The following DACH2 variants were observed in gnomAD, a reference collection of about 807,000 sequenced individuals.
The protein encoded by DACH2 is dachshund family transcription factor 2, also known as dachshund homolog 2.
DACH2 carries 17 observed loss-of-function variants against 35.8 expected under a neutral mutation model. The observed-to-expected ratio is 0.48, with a 90% CI of 0.33 to 0.71. The LOEUF (loss-of-function observed/expected upper bound fraction) is 0.71, where lower values mean the gene tolerates loss of function less well. Among genes scored for constraint, DACH2 ranks in the 30% least tolerant of loss-of-function variants. The pLI, the probability that DACH2 is intolerant of heterozygous loss-of-function variation, is 0.02. For synonymous variants in DACH2, 195 were observed against 177.3 expected, an observed-to-expected ratio of 1.10 and a Z score of -0.79; for missense variants, 469 against 472.7, an observed-to-expected ratio of 0.99 and a Z score of 0.07.
chrX:86,164,703 T>C (rs1191773103), intron 1 of DACH2, among the ~76,000 whole-genome samples: 1 of 111,183 alleles, frequency 9.0e-6, no homozygotes, highest in Non-Finnish European at 1.9e-5. Context: ...CTTTTGCTCA[T>C]TGCTTGTCCT....
chrX:86,618,669 A>G (rs970920440), intron 3 of DACH2, among the ~76,000 whole-genome samples: 1 of 112,178 alleles, frequency 8.9e-6, no homozygotes, highest in Non-Finnish European at 1.9e-5. Context: ...CCAAATAGAT[A>G]TATGTGATAA....
At chrX:86,760,763 T>G (rs1362214358) in intron 7 of DACH2, among the ~76,000 whole-genome samples, 1 of 111,556 alleles carries the variant, frequency 9.0e-6, no homozygotes, top group African/African-American at 3.3e-5. Flanking sequence ...GGAGGTGTCA[T>G]GTATCTTTGC....
chrX:86,770,074 A>T (rs2041973938), intron 7 of DACH2, among the ~76,000 whole-genome samples: 1 of 111,153 alleles, frequency 9.0e-6, no homozygotes, highest in Non-Finnish European at 1.9e-5. Context: ...GGCCCTTTAG[A>T]CTGTCCTCAT....
rs754160703 is a variant in DACH2, at chrX:86,824,730, T to TA, written c.1751-7371dup. 4.5e-5 allele frequency among the ~76,000 whole-genome samples: 5 copies of TA among 111,930 alleles called. No homozygotes were observed. In the Admixed American group the frequency reaches 4.8e-4, roughly 11 times the overall value. On this transcript the variant is annotated intron_variant, in intron 11 of 11. Coordinates refer to ENST00000373125, the MANE Select transcript of DACH2 (RefSeq NM_053281.3). ...AGTGCTCTTGTTTTCATTAAAATAATAAAAATGAATAAATGCAATGTTGAT... is the reference window on the plus strand; with the variant it reads ...AGTGCTCTTGTTTTCATTAAAATAATAAAAAATGAATAAATGCAATGTTGAT...
At chrX:86,641,616 T>G (rs1226048763) in intron 3 of DACH2, among the ~76,000 whole-genome samples, 1 of 111,353 alleles carries the variant, frequency 9.0e-6, no homozygotes, top group Non-Finnish European at 1.9e-5. Flanking sequence ...TCTGCAAGAT[T>G]CTATACAAGA....
chrX:86,529,246 T>G (rs1240275365), intron 3 of DACH2, among the ~76,000 whole-genome samples: 1 of 111,167 alleles, frequency 9.0e-6, no homozygotes, highest in Non-Finnish European at 1.9e-5. Flanking sequence ...GGTCTCAGTG[T>G]GCTGTTCACA....
rs138406295 is a variant in DACH2 at position 86,718,125 on chromosome X, G to T, written c.1104+3405G>T. ...GCACTAATTTACATTTTTACCAACA[G>T]TGCATAAGCATTATGTTTTCTCCTC... On this transcript the variant is annotated intron_variant, in intron 6 of 11. Transcript: ENST00000373125. Among the ~76,000 whole-genome samples, 875 of 110,926 alleles carry T rather than the reference G, an allele frequency of 7.9e-3. 3 individuals carry two copies. Among genetic ancestry groups the T allele is most frequent in the Non-Finnish European group, 0.013 (680 of 52,911 alleles).
rs571592794 is a variant in DACH2, at chrX:86,634,224, C to T, written c.641-16812C>T. ...TCACCCCCATTATCCAATCACCTCCCACCACCACTTCCTCCAATTTGACAT... is the reference window on the plus strand; with the variant it reads ...TCACCCCCATTATCCAATCACCTCCTACCACCACTTCCTCCAATTTGACAT... On this transcript the variant is annotated intron_variant, in intron 3 of 11. Coordinates refer to ENST00000373125, the MANE Select transcript of DACH2 (RefSeq NM_053281.3). Among the ~76,000 whole-genome samples the T allele has an allele frequency of 8.1e-5, 9 of 111,651 alleles. No homozygotes were observed. In the South Asian group the frequency reaches 3.0e-3, roughly 37 times the overall value.
intron 1 of DACH2, among the ~76,000 whole-genome samples, chrX:86,179,682 G>A (rs2031412759): frequency 9.0e-6 from 1 of 110,856 alleles, no homozygotes; most frequent in Non-Finnish European, 1.9e-5. Context: ...GCATTTTTGA[G>A]CACTCAAGGA....
chrX:86,388,026 G>C (rs1009045978), intron 2 of DACH2, among the ~76,000 whole-genome samples: 6 of 112,218 alleles, frequency 5.3e-5, no homozygotes, highest in Middle Eastern at 4.6e-3. Context: ...ATTGCTTCAA[G>C]CTGACCAGAT....
At chrX:86,273,145 A>C (rs1298515572) in intron 1 of DACH2, among the ~76,000 whole-genome samples, 1 of 112,039 alleles carries the variant, frequency 8.9e-6, no homozygotes, top group Non-Finnish European at 1.9e-5. Flanking sequence ...ACCTTTTTGT[A>C]GTTCCCCAGT....
chrX:86,334,356 C>A (rs1487101249), intron 1 of DACH2, among the ~76,000 whole-genome samples: 6 of 112,242 alleles, frequency 5.3e-5, no homozygotes, highest in Non-Finnish European at 9.4e-5. Flanking sequence ...GATGGTTGAA[C>A]TAATTTACAC....
intron 3 of DACH2, among the ~76,000 whole-genome samples, chrX:86,626,786 T>C (rs758579868): frequency 8.9e-6 from 1 of 112,782 alleles, no homozygotes; most frequent in African/African-American, 3.2e-5. Flanking sequence ...ATAGCTGAGA[T>C]GCAGGGCACC....
chrX:86,270,951 A>G (rs1295431417), intron 1 of DACH2, among the ~76,000 whole-genome samples: 7 of 111,975 alleles, frequency 6.3e-5, no homozygotes, highest in African/African-American at 2.3e-4. Context: ...AACATCTGTA[A>G]TATCTTTCAT....
At chrX:86,724,767 C>G (rs1312949434) in intron 6 of DACH2, among the ~76,000 whole-genome samples, 1 of 111,393 alleles carries the variant, frequency 9.0e-6, no homozygotes, top group African/African-American at 3.3e-5. Flanking sequence ...AAATTACTCC[C>G]TCATATAGGT....
chrX:86,570,601 C>T (rs1000431315), intron 3 of DACH2, among the ~76,000 whole-genome samples: 2 of 109,871 alleles, frequency 1.8e-5, no homozygotes, highest in South Asian at 3.9e-4. Flanking sequence ...GAGGGTGAAG[C>T]GGGAGAGCAT....
chrX:86,431,843 A>C (rs906880699), intron 2 of DACH2, among the ~76,000 whole-genome samples: 6 of 111,560 alleles, frequency 5.4e-5, no homozygotes, highest in Admixed American at 9.6e-5. Context: ...TTCTTCTTTA[A>C]ACAAATCATA....
At chrX:86,733,463 A>G in intron 6 of DACH2, among the ~76,000 whole-genome samples, 1 of 112,128 alleles carries the variant, frequency 8.9e-6, no homozygotes, top group Middle Eastern at 4.6e-3. Flanking sequence ...TATAGCTATA[A>G]CATGAATTGG....
chrX:86,295,939 G>T (rs1018446754), intron 1 of DACH2, among the ~76,000 whole-genome samples: 1 of 110,630 alleles, frequency 9.0e-6, no homozygotes, highest in Non-Finnish European at 1.9e-5. Context: ...GTGTGTGTGT[G>T]TATAGATAGT....
Sources: gnomAD v4.1 joint callset for allele counts (sites outside exome capture counted in the v4.1 genomes callset) on GRCh38, gnomAD v4.1.1 for gene constraint, MANE v1.5 for transcripts, NCBI Gene and HGNC (gene_info 2026-07-23, HGNC 2026-07-21) for gene names.